The following FBXL20 variants were observed in gnomAD, a reference collection of about 807,000 sequenced individuals.
FBXL20 encodes F-box and leucine rich repeat protein 20.
A neutral mutation model predicts 64.0 loss-of-function variants in FBXL20; 11 were observed. That is an observed-to-expected ratio of 0.17 (90% confidence interval 0.11 to 0.28). The LOEUF is 0.28. FBXL20 is among the 10% of genes least tolerant of loss of function. FBXL20 has a pLI of 1.00. For synonymous variants in FBXL20, 184 were observed against 189.0 expected (o/e 0.97, Z 0.22); for missense variants, 303 against 526.2 (o/e 0.58, Z 4.15).
At chr17:39,289,853 G>C (rs1035456097) in intron 6 of FBXL20, among the ~76,000 whole-genome samples, 4 of 151,842 alleles carry the variant, frequency 2.6e-5, no homozygotes, top group Middle Eastern at 3.4e-3. Flanking sequence ...ACAAAAATTA[G>C]CCAGGTTTGG....
intron 1 of FBXL20, among the ~76,000 whole-genome samples, chr17:39,366,040 G>C (rs1294356873): frequency 6.6e-6 from 1 of 151,798 alleles, no homozygotes; most frequent in Non-Finnish European, 1.5e-5. Flanking sequence ...GTCTGAAGTA[G>C]ACTGGCTATT....
chr17:39,341,257 T>C (rs924637658), intron 2 of FBXL20, among the ~76,000 whole-genome samples: 1 of 152,136 alleles, frequency 6.6e-6, no homozygotes, highest in Non-Finnish European at 1.5e-5. Flanking sequence ...CATTTTCCCA[T>C]AGAAATCATG....
intron 9 of FBXL20, among the ~76,000 whole-genome samples, chr17:39,277,821 T>C (rs1303558177): frequency 7.2e-6 from 1 of 138,460 alleles, no homozygotes; most frequent in East Asian, 2.1e-4. Context: ...GTCAAGAAAA[T>C]GAAAGCATCA....
At chr17:39,301,727 G>T (rs575826616) in intron 3 of FBXL20, among the ~76,000 whole-genome samples, 1 of 149,184 alleles carries the variant, frequency 6.7e-6, no homozygotes, top group South Asian at 2.2e-4. Context: ...AACTTCATCT[G>T]GGGGGGAAAA....
intron 1 of FBXL20, among the ~76,000 whole-genome samples, chr17:39,389,734 C>G (rs1027495693): frequency 6.6e-6 from 1 of 152,144 alleles, no homozygotes; most frequent in Non-Finnish European, 1.5e-5. Context: ...AGGAGGATGG[C>G]GTGAACCCAG....
At chr17:39,336,992 GGTCTTCCTCTCCCTCTCTTTCCACC>G (rs1287093993) in intron 2 of FBXL20, among the ~76,000 whole-genome samples, 1 of 151,286 alleles carries the variant, frequency 6.6e-6, no homozygotes, top group African/African-American at 2.4e-5. Flanking sequence ...CTCTCCCCAC[GGTCTTCCTCTCCCTCTCTTTCCACC>G]GTCTCCCTCT....
At chr17:39,273,446 TG>T (rs1265170771) in intron 10 of FBXL20, among the ~76,000 whole-genome samples, 2 of 152,212 alleles carry the variant, frequency 1.3e-5, no homozygotes, top group East Asian at 3.8e-4. Context: ...TCAGAGTTCC[TG>T]GGTGAATACT....
chr17:39,384,419 A>G (rs933082608), intron 1 of FBXL20, among the ~76,000 whole-genome samples: 2 of 151,470 alleles, frequency 1.3e-5, no homozygotes, highest in African/African-American at 4.9e-5. Context: ...CAGCTACTCA[A>G]GAGGCTGAGG....
At chr17:39,377,772 G>C (rs2047982239) in intron 1 of FBXL20, among the ~76,000 whole-genome samples, 1 of 152,158 alleles carries the variant, frequency 6.6e-6, no homozygotes, top group Non-Finnish European at 1.5e-5. Flanking sequence ...CAAAGTGCTG[G>C]GATTACAGGC....
At chr17:39,401,292 A>G (rs980651073) in intron 1 of FBXL20, 69 bp downstream of exon 1, 157 of 1,609,540 alleles carry the variant, frequency 9.8e-5, no homozygotes, top group Non-Finnish European at 1.3e-4. Flanking sequence ...CTCCGTGCGG[A>G]GCGGACGTTT....
chr17:39,296,041 G>A (rs1028621542), intron 6 of FBXL20, among the ~76,000 whole-genome samples: 2 of 152,002 alleles, frequency 1.3e-5, no homozygotes, highest in East Asian at 3.8e-4. Flanking sequence ...GCATCTTGAG[G>A]ATAAGATAGA....
At chr17:39,339,310 A>G (rs535131264) in intron 2 of FBXL20, among the ~76,000 whole-genome samples, 3 of 152,202 alleles carry the variant, frequency 2.0e-5, no homozygotes, top group African/African-American at 7.2e-5. Context: ...CTCTATGAAA[A>G]TTTAAAAATT....
At chr17:39,361,525 G>A (rs1326462641) in intron 1 of FBXL20, among the ~76,000 whole-genome samples, 1 of 152,102 alleles carries the variant, frequency 6.6e-6, no homozygotes, top group African/African-American at 2.4e-5. Context: ...TGGTCAGGCA[G>A]GGTGGCTTAT....
intron 1 of FBXL20, among the ~76,000 whole-genome samples, chr17:39,389,517 C>T (rs771943828): frequency 1.3e-5 from 2 of 151,980 alleles, no homozygotes; most frequent in East Asian, 1.9e-4. Context: ...ATGCAGTGCT[C>T]GTTTTAAAAA....
chr17:39,323,800 T>TCG (rs1389422986), intron 2 of FBXL20, among the ~76,000 whole-genome samples: 2 of 149,388 alleles, frequency 1.3e-5, no homozygotes, highest in African/African-American at 5.0e-5. Flanking sequence ...TTGAGATGGG[T>TCG]CTCGCTCTGT....
chr17:39,289,461 A>C (rs971838223), intron 6 of FBXL20, among the ~76,000 whole-genome samples: 6 of 151,166 alleles, frequency 4.0e-5, no homozygotes, highest in Non-Finnish European at 8.8e-5. Context: ...GTTTGAGACC[A>C]CCTTGGGCAA....
chr17:39,375,794 C>A (rs1342064841), intron 1 of FBXL20, among the ~76,000 whole-genome samples: 1 of 152,102 alleles, frequency 6.6e-6, no homozygotes, highest in Non-Finnish European at 1.5e-5. Context: ...TTTTAATTTA[C>A]CCCAAATGTG....
intron 12 of FBXL20, among the ~76,000 whole-genome samples, chr17:39,266,010 T>A (rs1253833815): frequency 6.6e-6 from 1 of 151,076 alleles, no homozygotes; most frequent in Non-Finnish European, 1.5e-5. Flanking sequence ...CCTCACAGAG[T>A]GTTGAGATGA....
In FBXL20 at chr17:39,297,135, T is replaced by C; in HGVS notation, c.390A>G (p.Thr130=). The change falls in exon 6 of 15, where the codon ACA becomes ACG. Residue 130 remains threonine, a synonymous_variant. Coordinates refer to ENST00000264658, the MANE Select transcript of FBXL20 (RefSeq NM_032875.3). ...EVLNLNGCTK[T]TDATCTSLSK... ...AAACATAAAATACTTACGCGTCTGT[T>C]GTCTTTGTACACCCATTTAGATTCA... 3.1e-6 allele frequency: 5 copies of C among 1,607,138 alleles called. No individual in the cohort carries two copies. The highest frequency in any genetic ancestry group is 4.3e-6 in the Non-Finnish European group (5 of 1,175,316).
Sources: gnomAD v4.1 joint callset for allele counts (sites outside exome capture counted in the v4.1 genomes callset) on GRCh38, gnomAD v4.1.1 for gene constraint, MANE v1.5 for transcripts, NCBI Gene and HGNC (gene_info 2026-07-23, HGNC 2026-07-21) for gene names.